The following ABCA1 variants were observed in gnomAD, a reference collection of about 807,000 sequenced individuals.
ABCA1 encodes the protein ATP binding cassette subfamily A member 1.
Under a neutral mutation model 262.5 loss-of-function variants are expected in ABCA1, and 133 were observed. That is an observed-to-expected ratio of 0.51 (90% CI 0.44 to 0.59). The LOEUF (loss-of-function observed/expected upper bound fraction) is 0.59, where lower values mean the gene tolerates loss of function less well. ABCA1 is among the 20% of genes least tolerant of loss of function. The pLI, the probability that ABCA1 is intolerant of heterozygous loss-of-function variation, is 0.00. For missense variants in ABCA1, 2,452 were observed against 2,777.5 expected (o/e 0.88, Z 2.63); for synonymous variants, 1,022 against 1,043.5 (o/e 0.98, Z 0.40).
At chr9:104,800,636 G>C (rs760353214) in intron 34 of ABCA1, 52 bp from the exon 35 acceptor site, 12 of 1,535,016 alleles carry the variant, frequency 7.8e-6, no homozygotes, top group Non-Finnish European at 1.1e-5. Context: ...TAGATAAGGG[G>C]CAACAGTCAA....
chr9:104,839,653 C>T (rs201418802), intron 9 of ABCA1, among the ~76,000 whole-genome samples: 1 of 134,526 alleles, frequency 7.4e-6, no homozygotes, highest in Non-Finnish European at 1.6e-5. Context: ...TTTTGAGTTA[C>T]AACTGACAAA....
intron 8 of ABCA1, among the ~76,000 whole-genome samples, chr9:104,842,701 A>G (rs754194053): frequency 6.6e-6 from 1 of 152,118 alleles, no homozygotes; most frequent in Non-Finnish European, 1.5e-5. Context: ...AAACTGACTT[A>G]CTGCTTTCTC....
chr9:104,825,978 A>T (rs1832778773), intron 16 of ABCA1, 91 bp from the exon 17 acceptor site: 2 of 1,330,610 alleles, frequency 1.5e-6, no homozygotes, highest in Non-Finnish European at 2.1e-6. Flanking sequence ...GAGAAATTTG[A>T]ATTTGCAAAA....
Position 104,855,858 on chromosome 9 carries a change from G to A in ABCA1, c.720+2664C>T, listed in dbSNP as rs538053017. ...CCCAGATTCTGAAGGAGGCCCAGGA[G>A]AAACTCACAATACCCTTGGCTGGAA... is the stretch of plus-strand genomic sequence containing the variant. On this transcript the variant is annotated intron_variant, in intron 7 of 49. Transcript: ENST00000374736. The A allele has an allele frequency of 4.3e-6, 7 of 1,612,450 alleles. No homozygotes were observed. In the East Asian group the frequency reaches 1.1e-4, roughly 26 times the overall value.
chr9:104,784,432 G>A lies in ABCA1; in HGVS notation c.6669C>T (p.Asp2223=). ...CTTTTAAGTGGTCATCATCACTTTG[G>A]TCCTTGGCAAAGTTCACAAATACCT... ...LDQVFVNFAK[D]QSDDDHLKDL... Residue 2223 remains aspartate (D), a synonymous_variant, in exon 50 of 50, where the codon GAC becomes GAT. Coordinates refer to ENST00000374736, the MANE Select transcript of ABCA1 (RefSeq NM_005502.4). 6.2e-7 allele frequency: 1 copy of A among 1,613,982 alleles called. No individual in the cohort carries two copies. The highest frequency in any genetic ancestry group is 8.5e-7 in the Non-Finnish European group (1 of 1,179,948).
At chr9:104,811,310 A>G (rs931890308) in intron 28 of ABCA1, among the ~76,000 whole-genome samples, 6 of 152,218 alleles carry the variant, frequency 3.9e-5, no homozygotes, top group African/African-American at 1.2e-4. Context: ...AGAAGTCCTG[A>G]ATCCTGGTTC....
At chr9:104,924,611 G>GAA (rs34450679) in intron 1 of ABCA1, among the ~76,000 whole-genome samples, 6 of 102,528 alleles carry the variant, frequency 5.9e-5, no homozygotes, top group Admixed American at 9.5e-5. Flanking sequence ...CTCCATCTCA[G>GAA]AAAAAAAAAA....
At position 104,830,901 on chromosome 9, in the gene ABCA1, A is replaced by T. The variant is rs4743763; in HGVS notation, c.1892+24T>A. ...TCTGGCACAGTATAAACTGGTTAAA[A>T]ACAGTGGCTTGCAGGTAACTTACAT... On this transcript the variant is annotated intron_variant, in intron 14 of 49. Transcript: ENST00000374736. The T allele has an allele frequency of 0.31, 507,554 of 1,612,060 alleles. 96,459 individuals carry two copies. The highest frequency in any genetic ancestry group is 0.8 in the East Asian group (35,819 of 44,806).
At position 104,837,026 on chromosome 9, in the gene ABCA1, T is replaced by C; in HGVS notation, c.1265A>G (p.Lys422Arg). ...GCTGTTCTCCATGAAGGTCCAGATC[T>C]TGGGGCTGAGTTCCTCCCACATGCC... ...LEGMWEELSP[K>R]IWTFMENSQE... Residue 422 changes from lysine (K) to arginine (R), a missense_variant, in exon 11 of 50, where the codon AAG becomes AGG. By Grantham distance (26) the Lys-to-Arg change is conservative (BLOSUM62 2). Around this residue, in one of 4 missense-constraint regions of ABCA1, gnomAD observed 1,032 missense variants for 1,089.7 expected, o/e 0.95. Coordinates refer to ENST00000374736, the MANE Select transcript of ABCA1 (RefSeq NM_005502.4). 3 of 1,614,156 alleles carry C rather than the reference T, an allele frequency of 1.9e-6. No homozygotes were observed. The highest frequency in any genetic ancestry group is 2.5e-6 in the Non-Finnish European group (3 of 1,180,032).
rs41382749 is a variant in ABCA1 at position 104,829,282 on chromosome 9, G to A, written c.1893-144C>T. On this transcript the variant is annotated intron_variant, in intron 14 of 49. Transcript: ENST00000374736. Reference sequence around the variant, plus strand: ...AGGCCCTCTAGACTCTGAAATGTACGTATGATCCAATGCTTCACGAGCAAT... The same window carrying A: ...AGGCCCTCTAGACTCTGAAATGTACATATGATCCAATGCTTCACGAGCAAT... The A allele has an allele frequency of 2.9e-3, 2,311 of 785,902 alleles. 32 individuals carry two copies. The African/African-American group carries it at 0.035, about 12-fold the overall frequency. The allele number at this position is 785,902 out of a possible 1,614,324, so 48.7% of individuals were successfully genotyped here.
At chr9:104,860,819 T>C (rs2472436) in intron 6 of ABCA1, among the ~76,000 whole-genome samples, 55,340 of 147,042 alleles carry the variant, frequency 0.38, 12,155 homozygotes, top group African/African-American at 0.62. Flanking sequence ...TGCAATGGCG[T>C]GATATTGGCT....
chr9:104,910,621 T>A (rs895482954), intron 1 of ABCA1, among the ~76,000 whole-genome samples: 1 of 152,236 alleles, frequency 6.6e-6, no homozygotes, highest in Admixed American at 6.5e-5. Context: ...TATTCCACTT[T>A]GTTCAACAAA....
At chr9:104,907,391 C>T (rs1693178443) in intron 1 of ABCA1, among the ~76,000 whole-genome samples, 1 of 152,172 alleles carries the variant, frequency 6.6e-6, no homozygotes, top group African/African-American at 2.4e-5. Context: ...AGGATTTCTA[C>T]CTTCTGAGTC....
intron 8 of ABCA1, among the ~76,000 whole-genome samples, chr9:104,842,569 T>A (rs1231558144): frequency 6.6e-6 from 1 of 152,262 alleles, no homozygotes; most frequent in East Asian, 1.9e-4. Context: ...CTCCTACACC[T>A]CAGCTCACAC....
chr9:104,858,022 G>A (rs1399341711), intron 7 of ABCA1, among the ~76,000 whole-genome samples: 4 of 152,170 alleles, frequency 2.6e-5, no homozygotes, highest in East Asian at 3.9e-4. Context: ...AAACTTCGTC[G>A]GAATTTTTCT....
chr9:104,789,614 T>C (rs919110204), intron 44 of ABCA1, among the ~76,000 whole-genome samples: 4 of 152,092 alleles, frequency 2.6e-5, no homozygotes, highest in Non-Finnish European at 5.9e-5. Context: ...CAGTATAAGG[T>C]AGAATAAGAA....
Position 104,785,751 on chromosome 9 carries a change from C to T in ABCA1, c.6402-112G>A, listed in dbSNP as rs145441573. On this transcript the variant is annotated intron_variant, in intron 48 of 49. Coordinates refer to ENST00000374736, the MANE Select transcript of ABCA1 (RefSeq NM_005502.4). The stretch of plus-strand genomic sequence containing the variant: ...TGAAAAAGGGCGGCCCCTGGCAGGC[C>T]CAGAAATAAGTTTCTGAGAGAAGGA... 4.5e-3 allele frequency: 6,012 copies of T among 1,324,406 alleles called. 22 individuals are homozygous for T. The highest frequency in any genetic ancestry group is 5.4e-3 in the Non-Finnish European group (5,083 of 947,314). 82.0% of individuals were successfully genotyped at this position (1,324,406 alleles called of 1,614,324 possible).
intron 1 of ABCA1, among the ~76,000 whole-genome samples, chr9:104,917,449 T>C (rs1280678703): frequency 2.0e-5 from 3 of 152,222 alleles, no homozygotes; most frequent in Non-Finnish European, 2.9e-5. Context: ...ATATATAACA[T>C]TCTTAGTACA....
At position 104,819,920 on chromosome 9, in the gene ABCA1, G is replaced by A. The variant is rs952934153; in HGVS notation, c.3103+7C>T. 1.2e-6 allele frequency: 2 copies of A among 1,612,168 alleles called. No individual in the cohort carries two copies. Among genetic ancestry groups the A allele is most frequent in the South Asian group, 2.2e-5 (2 of 91,070 alleles). ...AGAGGGATAGGGAAGGTAGCTCTGG[G>A]CCGCACCTGACAGCTGGCTTGTTTT... On this transcript the variant is annotated splice_region_variant and intron_variant, in intron 21 of 49. Coordinates refer to ENST00000374736, the MANE Select transcript of ABCA1 (RefSeq NM_005502.4).
Sources: allele counts gnomAD v4.1 joint callset (sites outside exome capture counted in the v4.1 genomes callset), GRCh38; gene constraint gnomAD v4.1.1; regional missense constraint gnomAD v4.1.1; transcripts MANE v1.5; gene names NCBI Gene and HGNC (gene_info 2026-07-23, HGNC 2026-07-21).